Variants in MYRIP observed in about 807,000 individuals in gnomAD.
The protein encoded by MYRIP is rab effector MyRIP.
A neutral mutation model predicts 98.0 loss-of-function variants in MYRIP; 49 were observed. The observed-to-expected ratio is 0.50, with a 90% CI of 0.40 to 0.63. MYRIP has a LOEUF of 0.63. Ranked by LOEUF, MYRIP falls within the 30% of genes least tolerant of loss-of-function variation. The probability of loss-of-function intolerance (pLI) is 0.00; values close to 1 mark genes in which losing one functional copy is unlikely to be tolerated. For missense variants in MYRIP, 1,004 were observed against 1,058.2 expected (o/e 0.95, Z 0.71); for synonymous variants, 404 against 409.5 (o/e 0.99, Z 0.16).
intron 2 of MYRIP, among the ~76,000 whole-genome samples, chr3:39,953,750 G>C (rs1022482063): frequency 6.6e-6 from 1 of 152,140 alleles, no homozygotes; most frequent in African/African-American, 2.4e-5. Context: ...AGTGCAAGGG[G>C]TCAGGGAATT....
intron 1 of MYRIP, among the ~76,000 whole-genome samples, chr3:39,852,762 CCTCTT>C (rs112770284): frequency 0.04 from 6,129 of 151,918 alleles, 307 homozygotes; most frequent in African/African-American, 0.12. Context: ...CTTCTGTTCT[CCTCTT>C]CTCTTCTCTT....
chr3:40,029,165 G>A (rs1006437587), intron 2 of MYRIP, among the ~76,000 whole-genome samples: 2 of 152,128 alleles, frequency 1.3e-5, no homozygotes, highest in African/African-American at 4.8e-5. Flanking sequence ...ATACTGTTGA[G>A]AGATGTCAGA....
intron 11 of MYRIP, among the ~76,000 whole-genome samples, chr3:40,231,148 G>A (rs771371090): frequency 1.4e-4 from 21 of 152,194 alleles, no homozygotes; most frequent in Non-Finnish European, 2.9e-4. Context: ...CTGCCAGCTG[G>A]AAGCTGGTTC....
intron 3 of MYRIP, 89 bp downstream of exon 3, chr3:40,044,360 A>G (rs1332274854): frequency 1.2e-5 from 16 of 1,296,212 alleles, no homozygotes; most frequent in Non-Finnish European, 1.7e-5. Context: ...ACCAGCTATG[A>G]TTGGTAGATC....
At chr3:40,188,877 A>AC (rs1280309120) in intron 9 of MYRIP, among the ~76,000 whole-genome samples, 1 of 152,052 alleles carries the variant, frequency 6.6e-6, no homozygotes, top group Non-Finnish European at 1.5e-5. Flanking sequence ...TCTTACTCCC[A>AC]CCCCACAGAC....
chr3:40,256,730 C>T (rs1953603436), intron 16 of MYRIP, among the ~76,000 whole-genome samples: 1 of 151,700 alleles, frequency 6.6e-6, no homozygotes, highest in South Asian at 2.1e-4. Context: ...TTTATTAAAC[C>T]TTTCAAAAAC....
chr3:39,854,420 G>C (rs1452647157), intron 1 of MYRIP, among the ~76,000 whole-genome samples: 1 of 151,770 alleles, frequency 6.6e-6, no homozygotes, highest in East Asian at 1.9e-4. Flanking sequence ...CTCTTTTCTT[G>C]TTCTAGTCTA....
chr3:40,015,061 G>C (rs947305293), intron 2 of MYRIP, among the ~76,000 whole-genome samples: 10 of 152,172 alleles, frequency 6.6e-5, no homozygotes, highest in Admixed American at 6.5e-4. Flanking sequence ...GCAGTTAGTG[G>C]AGGTGTCTCT....
chr3:40,079,282 T>C (rs1442109240), intron 3 of MYRIP, among the ~76,000 whole-genome samples: 2 of 152,232 alleles, frequency 1.3e-5, no homozygotes, highest in African/African-American at 4.8e-5. Context: ...CCTGGGCAAC[T>C]GGGCTATGTG....
At chr3:39,886,921 T>C (rs546691015) in intron 1 of MYRIP, among the ~76,000 whole-genome samples, 5 of 150,670 alleles carry the variant, frequency 3.3e-5, no homozygotes, top group Admixed American at 6.6e-5. Flanking sequence ...TATTCCAAAA[T>C]TGACCACATA....
At chr3:39,990,153 A>G (rs1946138928) in intron 2 of MYRIP, among the ~76,000 whole-genome samples, 1 of 152,198 alleles carries the variant, frequency 6.6e-6, no homozygotes, top group African/African-American at 2.4e-5. Flanking sequence ...GATCTTCCAA[A>G]CCATGGGTTG....
At chr3:39,982,979 T>C (rs577859157) in intron 2 of MYRIP, among the ~76,000 whole-genome samples, 1 of 152,338 alleles carries the variant, frequency 6.6e-6, no homozygotes, top group African/African-American at 2.4e-5. Context: ...GAATTTATTG[T>C]GATAGTAGGT....
chr3:39,810,318 C>G (rs961995952), intron 1 of MYRIP, among the ~76,000 whole-genome samples: 4 of 152,266 alleles, frequency 2.6e-5, no homozygotes, highest in African/African-American at 9.6e-5. Context: ...CCGCAAGCAG[C>G]CCAGCGCGAC....
At chr3:39,815,411 G>GTGTA (rs1553635891) in intron 1 of MYRIP, among the ~76,000 whole-genome samples, 1 of 151,948 alleles carries the variant, frequency 6.6e-6, no homozygotes, top group African/African-American at 2.4e-5. Flanking sequence ...GTGTGTGTGT[G>GTGTA]TGTATGTATG....
At chr3:40,240,903 G>A (rs1035823319) in intron 12 of MYRIP, among the ~76,000 whole-genome samples, 7 of 152,126 alleles carry the variant, frequency 4.6e-5, no homozygotes, top group African/African-American at 1.7e-4. Flanking sequence ...GGATGCTGAG[G>A]GTGGAACAGT....
intron 1 of MYRIP, among the ~76,000 whole-genome samples, chr3:39,840,016 C>T (rs1183609573): frequency 1.3e-5 from 2 of 151,996 alleles, no homozygotes; most frequent in African/African-American, 4.8e-5. Flanking sequence ...GTTCAAGTCC[C>T]AAATATCCTT....
intron 3 of MYRIP, among the ~76,000 whole-genome samples, chr3:40,123,274 A>G (rs964518395): frequency 1.3e-5 from 2 of 152,216 alleles, no homozygotes; most frequent in African/African-American, 4.8e-5. Flanking sequence ...TTTTTTAACA[A>G]TATCAGTCAC....
chr3:40,036,565 T>C (rs1448220507), intron 2 of MYRIP, among the ~76,000 whole-genome samples: 1 of 152,094 alleles, frequency 6.6e-6, no homozygotes, highest in African/African-American at 2.4e-5. Context: ...AGTTCTGCTA[T>C]TGATGATTGC....
intron 2 of MYRIP, among the ~76,000 whole-genome samples, chr3:40,038,930 G>C (rs1419806127): frequency 6.6e-6 from 1 of 152,154 alleles, no homozygotes; most frequent in Non-Finnish European, 1.5e-5. Context: ...CCTGGAACAA[G>C]AGAAGAGAGG....
Sources: gnomAD v4.1 joint callset for allele counts (sites outside exome capture counted in the v4.1 genomes callset) on GRCh38, gnomAD v4.1.1 for gene constraint, MANE v1.5 for transcripts, NCBI Gene and HGNC (gene_info 2026-07-23, HGNC 2026-07-21) for gene names.